Variants in CLYBL observed in about 807,000 individuals in gnomAD.
CLYBL encodes the protein citramalyl-CoA lyase.
A neutral mutation model predicts 38.9 loss-of-function variants in CLYBL; 31 were observed. That is an observed-to-expected ratio of 0.80 (90% CI 0.60 to 1.08). CLYBL has a LOEUF of 1.08. CLYBL is among the 50% of genes least tolerant of loss of function. CLYBL has a pLI of 0.00. For missense variants in CLYBL, 434 were observed against 411.6 expected, an observed-to-expected ratio of 1.05 and a Z score of -0.47; for synonymous variants, 171 against 158.6, an observed-to-expected ratio of 1.08 and a Z score of -0.59.
chr13:99,619,285 G>A (rs751111051), intron 1 of CLYBL, among the ~76,000 whole-genome samples: 2 of 152,132 alleles, frequency 1.3e-5, no homozygotes, highest in Non-Finnish European at 2.9e-5. Context: ...TCCACCCTGC[G>A]CCATGTGAGG....
At chr13:99,784,712 C>T (rs1440154553) in intron 2 of CLYBL, among the ~76,000 whole-genome samples, 1 of 152,024 alleles carries the variant, frequency 6.6e-6, no homozygotes, top group African/African-American at 2.4e-5. Context: ...CCTTGGCCTC[C>T]CGAAGTGCTG....
At chr13:99,856,196 G>A (rs759238310) in intron 2 of CLYBL, among the ~76,000 whole-genome samples, 2 of 152,136 alleles carry the variant, frequency 1.3e-5, no homozygotes, top group African/African-American at 2.4e-5. Flanking sequence ...AATCAAACAG[G>A]TTTAGAACAT....
intron 2 of CLYBL, among the ~76,000 whole-genome samples, chr13:99,806,358 CTTAA>C (rs1244664843): frequency 1.3e-5 from 2 of 151,998 alleles, no homozygotes; most frequent in East Asian, 3.9e-4. Flanking sequence ...TAATTGTTGC[CTTAA>C]TTAGTTTTTA....
chr13:99,653,939 G>C (rs1005653744), intron 1 of CLYBL, among the ~76,000 whole-genome samples: 1 of 152,168 alleles, frequency 6.6e-6, no homozygotes, highest in Admixed American at 6.5e-5. Context: ...CTTTATCAAG[G>C]ATAATTTCTT....
rs1324425828 is a variant in CLYBL at position 99,778,466 on chromosome 13, A to G, written c.249+5456A>G. 4.6e-5 allele frequency among the ~76,000 whole-genome samples: 7 copies of G among 152,172 alleles called. No homozygotes were observed. The East Asian group carries it at 1.3e-3, about 29-fold the overall frequency. Reference sequence around the variant, plus strand: ...TTTTTTATTAATAGACTAATTCCATATTTCATTTGATTGACTCTCTGTGAA... The same window carrying G: ...TTTTTTATTAATAGACTAATTCCATGTTTCATTTGATTGACTCTCTGTGAA... On this transcript the variant is annotated intron_variant, in intron 2 of 8. Coordinates refer to ENST00000339105, the MANE Select transcript of CLYBL (RefSeq NM_206808.5).
chr13:99,715,546 G>C (rs375824031), intron 1 of CLYBL, among the ~76,000 whole-genome samples: 6 of 151,820 alleles, frequency 4.0e-5, no homozygotes, highest in East Asian at 3.9e-4. Flanking sequence ...GGGACTACAG[G>C]TGCATGCCAC....
chr13:99,698,665 T>C (rs2048015678), intron 1 of CLYBL, among the ~76,000 whole-genome samples: 1 of 152,142 alleles, frequency 6.6e-6, no homozygotes, highest in African/African-American at 2.4e-5. Flanking sequence ...ACAAAATTTA[T>C]TGTGTGTGGC....
chr13:99,839,230 G>C lies in CLYBL; in HGVS notation c.250-19631G>C, dbSNP rs571200083. On this transcript the variant is annotated intron_variant, in intron 2 of 8. Coordinates refer to ENST00000339105, the MANE Select transcript of CLYBL (RefSeq NM_206808.5). ...CAAACCTGGGTATGTCCAGAGCAGG[G>C]CAACTCAAGAGGGCAGAGGATGTTG... 2.6e-5 allele frequency among the ~76,000 whole-genome samples: 4 copies of C among 152,346 alleles called. 1 individual carries two copies. In the South Asian group the frequency reaches 6.2e-4, roughly 24 times the overall value.
intron 1 of CLYBL, among the ~76,000 whole-genome samples, chr13:99,668,847 G>A (rs182383082): frequency 2.0e-5 from 3 of 152,032 alleles, no homozygotes; most frequent in Non-Finnish European, 4.4e-5. Flanking sequence ...CTCCAAGGCC[G>A]TGATATGATT....
intron 2 of CLYBL, among the ~76,000 whole-genome samples, chr13:99,806,069 T>C (rs1362143177): frequency 6.6e-6 from 1 of 152,216 alleles, no homozygotes; most frequent in South Asian, 2.1e-4. Context: ...GATTTTATAA[T>C]TTTAGCAATA....
At position 99,609,169 on chromosome 13, in the gene CLYBL, G is replaced by GTTT. The variant is rs58873910; in HGVS notation, c.62+2436_62+2438dup. ...GGACAATGTCAATTGACCTGTCTTT[G>GTTT]TTTTTTTTTTTTTTTTTTTTTTTTT... On this transcript the variant is annotated intron_variant, in intron 1 of 8. Transcript: ENST00000339105. Among the ~76,000 whole-genome samples the GTTT allele has an allele frequency of 1.8e-3, 83 of 45,788 alleles. 16 individuals are homozygous for GTTT. Among genetic ancestry groups the GTTT allele is most frequent in the African/African-American group, 5.7e-3 (60 of 10,612 alleles). 30.0% of individuals were successfully genotyped at this position (45,788 alleles called of 152,430 possible).
intron 1 of CLYBL, among the ~76,000 whole-genome samples, chr13:99,684,456 AAAAC>A (rs1461445155): frequency 1.3e-5 from 2 of 152,160 alleles, no homozygotes; most frequent in East Asian, 1.9e-4. Flanking sequence ...ACTGTATCTA[AAAAC>A]AAACAAACAA....
intron 3 of CLYBL, 52 bp downstream of exon 3, chr13:99,859,101 G>A: frequency 2.7e-6 from 4 of 1,465,058 alleles, no homozygotes; most frequent in Non-Finnish European, 3.7e-6. Context: ...AGGAGGAGTA[G>A]CAGGAAGAAG....
chr13:99,683,368 T>C (rs1457643799), intron 1 of CLYBL, among the ~76,000 whole-genome samples: 2 of 152,136 alleles, frequency 1.3e-5, no homozygotes, highest in East Asian at 1.9e-4. Flanking sequence ...GTTTGAGCCA[T>C]CACGCCTAGC....
chr13:99,821,272 G>A (rs781452046), intron 2 of CLYBL, among the ~76,000 whole-genome samples: 5 of 152,014 alleles, frequency 3.3e-5, no homozygotes, highest in Admixed American at 6.5e-5. Context: ...TATATTTATC[G>A]GTATCCTCGA....
At chr13:99,718,809 A>C (rs947581029) in intron 1 of CLYBL, among the ~76,000 whole-genome samples, 1 of 152,128 alleles carries the variant, frequency 6.6e-6, no homozygotes, top group African/African-American at 2.4e-5. Context: ...TTTGATATTA[A>C]TTAATTCAGT....
chr13:99,630,961 A>G (rs1352569545), intron 1 of CLYBL, among the ~76,000 whole-genome samples: 1 of 152,114 alleles, frequency 6.6e-6, no homozygotes, highest in East Asian at 1.9e-4. Context: ...CTGAACCACT[A>G]CACTTTAGCC....
At chr13:99,653,061 G>A (rs986645918) in intron 1 of CLYBL, among the ~76,000 whole-genome samples, 4 of 152,184 alleles carry the variant, frequency 2.6e-5, no homozygotes, top group Non-Finnish European at 4.4e-5. Flanking sequence ...GGGGCTACCT[G>A]AGGAAAATCA....
intron 1 of CLYBL, among the ~76,000 whole-genome samples, chr13:99,623,435 A>G (rs2139210207): frequency 6.6e-6 from 1 of 152,274 alleles, no homozygotes; most frequent in Admixed American, 6.5e-5. Flanking sequence ...GACTCCAAGG[A>G]GTATATGATC....
Sources: allele counts gnomAD v4.1 joint callset (sites outside exome capture counted in the v4.1 genomes callset), GRCh38; gene constraint gnomAD v4.1.1; transcripts MANE v1.5; gene names NCBI Gene and HGNC (gene_info 2026-07-23, HGNC 2026-07-21).